Variants in RAB10 observed in about 807,000 individuals in gnomAD.
RAB10 encodes ras-related protein Rab-10.
Under a neutral mutation model 25.7 loss-of-function variants are expected in RAB10, and 5 were observed. That is an observed-to-expected ratio of 0.19 (90% confidence interval 0.10 to 0.41). The LOEUF is 0.41. Among genes scored for constraint, RAB10 ranks in the 10% least tolerant of loss-of-function variants. The pLI is 1.00. For synonymous variants in RAB10, 89 were observed against 86.4 expected (o/e 1.03, Z -0.16); for missense variants, 103 against 245.8 (o/e 0.42, Z 3.89).
rs555638351 is a variant in RAB10, at chr2:26,123,062, C to T, written c.328-4082C>T. 4.3e-4 allele frequency among the ~76,000 whole-genome samples: 65 copies of T among 152,250 alleles called. 2 individuals carry two copies. In the South Asian group the frequency reaches 0.013, roughly 30 times the overall value. ...GTATAAAGTTGCTAACCCCCAAGAC[C>T]TGAAGGGAAAAGTCTTTTGAAGCTG... is the stretch of plus-strand genomic sequence containing the variant. On this transcript the variant is annotated intron_variant, in intron 3 of 5. Coordinates refer to ENST00000264710, the MANE Select transcript of RAB10 (RefSeq NM_016131.5).
intron 1 of RAB10, among the ~76,000 whole-genome samples, chr2:26,036,897 C>G (rs1299128884): frequency 1.3e-5 from 2 of 151,956 alleles, no homozygotes; most frequent in Non-Finnish European, 2.9e-5. Flanking sequence ...TCAAGCAATT[C>G]TGCCTCAGCT....
At chr2:26,107,341 G>A (rs2149283132) in intron 2 of RAB10, among the ~76,000 whole-genome samples, 1 of 149,444 alleles carries the variant, frequency 6.7e-6, no homozygotes, top group Middle Eastern at 3.4e-3. Context: ...AAATTAATTA[G>A]ACTTTCACAA....
chr2:26,133,277 G>A (rs1394141564), intron 5 of RAB10, among the ~76,000 whole-genome samples: 2 of 152,056 alleles, frequency 1.3e-5, no homozygotes, highest in Non-Finnish European at 2.9e-5. Context: ...CTTTCAAAAT[G>A]TTGTGATGAA....
chr2:26,131,608 A>G (rs139730008), intron 5 of RAB10, among the ~76,000 whole-genome samples: 113 of 152,336 alleles, frequency 7.4e-4, no homozygotes, highest in African/African-American at 2.7e-3. Flanking sequence ...AAAAAAGGAT[A>G]CAGAAATTTC....
At chr2:26,105,908 G>A (rs1010615595) in intron 2 of RAB10, among the ~76,000 whole-genome samples, 4 of 152,302 alleles carry the variant, frequency 2.6e-5, no homozygotes, top group Admixed American at 6.5e-5. Context: ...GGAGCAATAT[G>A]CTATATACCA....
chr2:26,066,694 G>C (rs1157799198), intron 1 of RAB10, among the ~76,000 whole-genome samples: 2 of 151,904 alleles, frequency 1.3e-5, no homozygotes, highest in Non-Finnish European at 2.9e-5. Flanking sequence ...CTCCCACCGG[G>C]TCCTTCCCAT....
At chr2:26,063,668 G>T (rs1312121404) in intron 1 of RAB10, among the ~76,000 whole-genome samples, 1 of 152,174 alleles carries the variant, frequency 6.6e-6, no homozygotes, top group Non-Finnish European at 1.5e-5. Flanking sequence ...AAGATGTCTA[G>T]AGTTCAATTC....
chr2:26,116,985 A>G (rs1262132637), intron 3 of RAB10, among the ~76,000 whole-genome samples: 2 of 152,066 alleles, frequency 1.3e-5, no homozygotes, highest in East Asian at 1.9e-4. Flanking sequence ...TTTCTTTAGC[A>G]AAAGGAGACA....
chr2:26,118,779 G>A (rs907173539), intron 3 of RAB10, among the ~76,000 whole-genome samples: 1 of 152,084 alleles, frequency 6.6e-6, no homozygotes, highest in Non-Finnish European at 1.5e-5. Flanking sequence ...GCACCTCTCT[G>A]TATTAGTACC....
chr2:26,080,087 A>G (rs1267225002), intron 1 of RAB10, among the ~76,000 whole-genome samples: 1 of 152,226 alleles, frequency 6.6e-6, no homozygotes, highest in African/African-American at 2.4e-5. Flanking sequence ...AAGTGCTCAG[A>G]AAAGGATGGG....
intron 1 of RAB10, among the ~76,000 whole-genome samples, chr2:26,042,500 G>A (rs114864817): frequency 5.9e-5 from 9 of 151,976 alleles, no homozygotes; most frequent in Non-Finnish European, 1.2e-4. Flanking sequence ...TAAAAAATTA[G>A]CTGGGTGCGG....
intron 1 of RAB10, among the ~76,000 whole-genome samples, chr2:26,054,474 G>T (rs1666207594): frequency 6.6e-6 from 1 of 152,222 alleles, no homozygotes; most frequent in Non-Finnish European, 1.5e-5. Context: ...ATAGGCGTGA[G>T]CCACCACACG....
intron 3 of RAB10, among the ~76,000 whole-genome samples, chr2:26,123,258 G>A (rs1423610126): frequency 1.3e-5 from 2 of 152,114 alleles, no homozygotes; most frequent in Non-Finnish European, 2.9e-5. Context: ...AACCCCATGA[G>A]TTTAACACCG....
chr2:26,038,968 C>T (rs1302361837), intron 1 of RAB10, among the ~76,000 whole-genome samples: 4 of 149,092 alleles, frequency 2.7e-5, no homozygotes, highest in Non-Finnish European at 3.0e-5. Flanking sequence ...TAACCAGTGC[C>T]GTTCAAAAGA....
intron 1 of RAB10, among the ~76,000 whole-genome samples, chr2:26,089,032 G>C (rs575700960): frequency 1.3e-5 from 2 of 152,174 alleles, no homozygotes; most frequent in African/African-American, 4.8e-5. Flanking sequence ...TTAGCGCTAT[G>C]AAAGTTGTGT....
chr2:26,105,981 G>A (rs1667457481), intron 2 of RAB10, among the ~76,000 whole-genome samples: 1 of 152,206 alleles, frequency 6.6e-6, no homozygotes, highest in South Asian at 2.1e-4. Flanking sequence ...TCTATGATGT[G>A]TGCACAATGA....
At chr2:26,107,067 G>A (rs752619436) in intron 2 of RAB10, among the ~76,000 whole-genome samples, 17 of 151,904 alleles carry the variant, frequency 1.1e-4, no homozygotes, top group Middle Eastern at 3.4e-3. Flanking sequence ...CCAACATGGC[G>A]AAAACCCATC....
At position 26,065,097 on chromosome 2, in the gene RAB10, A is replaced by G. The variant is rs142540099; in HGVS notation, c.127+30362A>G. On this transcript the variant is annotated intron_variant, in intron 1 of 5. Transcript: ENST00000264710. The stretch of plus-strand genomic sequence containing the variant: ...TGTTTCAGTTTGGATAATAAGTCAC[A>G]TGGTCATTCCAGCCATTAGGCATTC... Among the ~76,000 whole-genome samples the G allele has an allele frequency of 2.0e-4, 30 of 152,224 alleles. 1 individual carries two copies. The East Asian group carries it at 5.6e-3, about 28-fold the overall frequency.
At chr2:26,106,380 A>G (rs1237532243) in intron 2 of RAB10, among the ~76,000 whole-genome samples, 2 of 152,206 alleles carry the variant, frequency 1.3e-5, no homozygotes, top group East Asian at 1.9e-4. Context: ...GTAATGGAGG[A>G]GGCCTAGACA....
Sources: allele counts gnomAD v4.1 joint callset (sites outside exome capture counted in the v4.1 genomes callset), GRCh38; gene constraint gnomAD v4.1.1; transcripts MANE v1.5; gene names NCBI Gene and HGNC (gene_info 2026-07-23, HGNC 2026-07-21).